Variants in LAMC1 observed in about 807,000 individuals in gnomAD.
The protein encoded by LAMC1 is laminin subunit gamma 1.
A neutral mutation model predicts 173.6 loss-of-function variants in LAMC1; 38 were observed. The ratio of observed to expected loss-of-function variants is 0.22; its 90% CI spans 0.17 to 0.29. The LOEUF (loss-of-function observed/expected upper bound fraction) is 0.29, where lower values mean the gene tolerates loss of function less well. LAMC1 is among the 10% of genes least tolerant of loss of function. The probability of loss-of-function intolerance (pLI) is 1.00; values close to 1 mark genes in which losing one functional copy is unlikely to be tolerated. For synonymous variants in LAMC1, 746 were observed against 749.1 expected (o/e 1.00, Z 0.07); for missense variants, 1,824 against 2,051.8 (o/e 0.89, Z 2.14).
chr1:183,090,765 A>T (rs988477914), intron 1 of LAMC1, among the ~76,000 whole-genome samples: 6 of 151,650 alleles, frequency 4.0e-5, no homozygotes, highest in Admixed American at 1.3e-4. Flanking sequence ...TTGAGTAATC[A>T]GTTTCCCCCC....
intron 1 of LAMC1, among the ~76,000 whole-genome samples, chr1:183,042,903 C>T (rs932502384): frequency 1.3e-5 from 2 of 152,194 alleles, no homozygotes; most frequent in Non-Finnish European, 2.9e-5. Context: ...GCACATCCCA[C>T]ATGGGCATTG....
intron 13 of LAMC1, among the ~76,000 whole-genome samples, chr1:183,123,014 G>C (rs1656521967): frequency 1.3e-5 from 2 of 152,150 alleles, no homozygotes; most frequent in Non-Finnish European, 2.9e-5. Context: ...ATTTTCTGCT[G>C]TGATTTTGAT....
chr1:183,033,236 G>A (rs1484765618), intron 1 of LAMC1, among the ~76,000 whole-genome samples: 2 of 152,170 alleles, frequency 1.3e-5, no homozygotes, highest in Non-Finnish European at 2.9e-5. Context: ...TCAAATCAGT[G>A]AACTGGCTGG....
chr1:183,131,464 G>GTGTGA, intron 20 of LAMC1, 86 bp downstream of exon 20: 1 of 262,718 alleles, frequency 3.8e-6, no homozygotes, highest in South Asian at 1.0e-4. Context: ...TGTGTGTATT[G>GTGTGA]TCTTATCCCA....
chr1:183,130,065 T>A (rs1265586140), intron 18 of LAMC1, among the ~76,000 whole-genome samples: 1 of 152,204 alleles, frequency 6.6e-6, no homozygotes, highest in Non-Finnish European at 1.5e-5. Flanking sequence ...GTGTCTTCTC[T>A]TTGCCAACCA....
intron 1 of LAMC1, among the ~76,000 whole-genome samples, chr1:183,090,831 G>C (rs1017537837): frequency 1.3e-5 from 2 of 152,178 alleles, no homozygotes; most frequent in African/African-American, 2.4e-5. Flanking sequence ...GGTGGGTATA[G>C]GAGGGGACAC....
In LAMC1 at chr1:183,027,802, T is replaced by C. The variant is rs527695970; in HGVS notation, c.418+3668T>C. 5.9e-5 allele frequency among the ~76,000 whole-genome samples: 9 copies of C among 152,344 alleles called. No homozygotes were observed. In the South Asian group the frequency reaches 6.2e-4, roughly 11 times the overall value. The stretch of plus-strand genomic sequence containing the variant: ...CTGCTGAGTGTGTATGTATTTAACA[T>C]GGAACAAATGGCAATTTTTCCCCCC... On this transcript the variant is annotated intron_variant, in intron 1 of 27. Coordinates refer to ENST00000258341, the MANE Select transcript of LAMC1 (RefSeq NM_002293.4).
chr1:183,100,125 A>C lies in LAMC1; in HGVS notation c.419-3203A>C, dbSNP rs1332319205. On this transcript the variant is annotated intron_variant, in intron 1 of 27. Transcript: ENST00000258341. ...CAGCTCCCTATCGCCTTTGTAGTAC[A>C]TCAGTTACTAAGTTACTATTGAAAA... is the stretch of plus-strand genomic sequence containing the variant. Among the ~76,000 whole-genome samples, 3 of 152,208 alleles carry C rather than the reference A, an allele frequency of 2.0e-5. No homozygotes were observed. The East Asian group carries it at 5.8e-4, about 29-fold the overall frequency.
At chr1:183,036,348 T>A (rs1653981398) in intron 1 of LAMC1, among the ~76,000 whole-genome samples, 1 of 151,638 alleles carries the variant, frequency 6.6e-6, no homozygotes, top group Non-Finnish European at 1.5e-5. Context: ...GCCATCTGCC[T>A]TGGCCTCCCA....
intron 1 of LAMC1, among the ~76,000 whole-genome samples, chr1:183,101,097 G>T (rs1655823869): frequency 6.6e-6 from 1 of 151,990 alleles, no homozygotes; most frequent in Non-Finnish European, 1.5e-5. Context: ...TCTCTCCTTT[G>T]GCCCAGTCTG....
intron 1 of LAMC1, among the ~76,000 whole-genome samples, chr1:183,046,290 T>G (rs919184528): frequency 6.6e-6 from 1 of 152,104 alleles, no homozygotes; most frequent in Non-Finnish European, 1.5e-5. Context: ...ATTCTTCTAT[T>G]TTAGAAATAT....
rs796244889 is a variant in LAMC1 at position 183,096,203 on chromosome 1, A to G, written c.419-7125A>G. The stretch of plus-strand genomic sequence containing the variant: ...ATTTTGAGGGTGATAGGGAAAGAGA[A>G]TTGTCTTTTTGGCTTAAACTTTATT... On this transcript the variant is annotated intron_variant, in intron 1 of 27. Coordinates refer to ENST00000258341, the MANE Select transcript of LAMC1 (RefSeq NM_002293.4). Among the ~76,000 whole-genome samples, 65 of 132,776 alleles carry G rather than the reference A, an allele frequency of 4.9e-4. 1 individual carries two copies. The highest frequency in any genetic ancestry group is 1.6e-3 in the African/African-American group (61 of 38,478). The allele number at this position is 132,776 out of a possible 152,430, so 87.1% of individuals were successfully genotyped here.
intron 4 of LAMC1, among the ~76,000 whole-genome samples, chr1:183,111,238 C>T (rs1267007449): frequency 2.6e-5 from 4 of 151,950 alleles, no homozygotes; most frequent in African/African-American, 9.7e-5. Flanking sequence ...AGGTGCATGC[C>T]ACCATGCCCA....
At chr1:183,068,877 G>A (rs1654940889) in intron 1 of LAMC1, among the ~76,000 whole-genome samples, 4 of 152,078 alleles carry the variant, frequency 2.6e-5, no homozygotes. Context: ...AGGAGGCGAA[G>A]GTTGCAGTGA....
intron 22 of LAMC1, among the ~76,000 whole-genome samples, 180 bp downstream of exon 22, chr1:183,133,730 G>GCCAA (rs1656863426): frequency 6.6e-6 from 1 of 152,214 alleles, no homozygotes; most frequent in South Asian, 2.1e-4. Flanking sequence ...TGCCTGTAAT[G>GCCAA]CCAACCCTGG....
intron 1 of LAMC1, among the ~76,000 whole-genome samples, chr1:183,043,199 A>T (rs1490426247): frequency 2.0e-5 from 3 of 152,192 alleles, no homozygotes; most frequent in Non-Finnish European, 4.4e-5. Context: ...ATTTAGGAAG[A>T]TGGGTGTATG....
At chr1:183,092,452 G>A (rs566859039) in intron 1 of LAMC1, among the ~76,000 whole-genome samples, 6 of 152,018 alleles carry the variant, frequency 3.9e-5, no homozygotes, top group East Asian at 1.9e-4. Context: ...ACAGAGTTTG[G>A]GACCTCACCC....
chr1:183,050,020 G>C (rs965195666), intron 1 of LAMC1, among the ~76,000 whole-genome samples: 1 of 152,046 alleles, frequency 6.6e-6, no homozygotes, highest in African/African-American at 2.4e-5. Context: ...AGAATCTTAT[G>C]TGCTAAAGAT....
chr1:183,064,729 C>G (rs906666771), intron 1 of LAMC1, among the ~76,000 whole-genome samples: 1 of 152,182 alleles, frequency 6.6e-6, no homozygotes, highest in Non-Finnish European at 1.5e-5. Context: ...CAGGTCACCA[C>G]ATACTTTTGT....
Sources: gnomAD v4.1 joint callset for allele counts (sites outside exome capture counted in the v4.1 genomes callset) on GRCh38, gnomAD v4.1.1 for gene constraint, MANE v1.5 for transcripts, NCBI Gene and HGNC (gene_info 2026-07-23, HGNC 2026-07-21) for gene names.